The following ZNF568 variants were observed in gnomAD, a reference collection of about 807,000 sequenced individuals.
ZNF568 encodes zinc finger protein 568, also known as p53 inhibitor of SCO2 activation.
In ZNF568, 11 loss-of-function variants were observed where a neutral mutation model predicts 18.1. That is an observed-to-expected ratio of 0.61 (90% CI 0.38 to 1.00). ZNF568 has a LOEUF of 1.00. Ranked by LOEUF, ZNF568 falls within the 50% of genes least tolerant of loss-of-function variation. The probability of loss-of-function intolerance (pLI) is 0.01; values close to 1 mark genes in which losing one functional copy is unlikely to be tolerated. For synonymous variants in ZNF568, 213 were observed against 246.6 expected (o/e 0.86, Z 1.28); for missense variants, 639 against 768.2 (o/e 0.83, Z 1.99).
At chr19:36,937,487 C>G (rs554082287) in intron 6 of ZNF568, among the ~76,000 whole-genome samples, 2 of 152,212 alleles carry the variant, frequency 1.3e-5, no homozygotes, top group Non-Finnish European at 2.9e-5. Flanking sequence ...TACCAACCTT[C>G]CCTAATTCAT....
intron 4 of ZNF568, among the ~76,000 whole-genome samples, chr19:36,992,758 C>T (rs2074437329): frequency 6.6e-6 from 1 of 152,172 alleles, no homozygotes; most frequent in Non-Finnish European, 1.5e-5. Context: ...AATTGTAGAA[C>T]ATTTGTATCA....
At chr19:36,936,244 T>C (rs907629813) in intron 4 of ZNF568, among the ~76,000 whole-genome samples, 34 of 152,330 alleles carry the variant, frequency 2.2e-4, no homozygotes, top group Admixed American at 1.3e-4. Flanking sequence ...TCCCTTGTTT[T>C]GTACTATTAT....
intron 6 of ZNF568, chr19:36,973,902 C>G (rs2074259028): frequency 6.5e-6 from 1 of 153,330 alleles, no homozygotes; most frequent in Non-Finnish European, 1.5e-5. Flanking sequence ...CCAACTGAGA[C>G]TAGTCAGTAG....
intron 3 of ZNF568, among the ~76,000 whole-genome samples, 175 bp downstream of exon 3, chr19:36,923,021 T>G (rs959378799): frequency 7.9e-6 from 1 of 127,008 alleles, no homozygotes; most frequent in Non-Finnish European, 1.7e-5. Flanking sequence ...AAAATAAATT[T>G]TGAAATGCAA....
intron 6 of ZNF568, among the ~76,000 whole-genome samples, chr19:36,969,591 A>G (rs1159825015): frequency 6.6e-6 from 1 of 151,734 alleles, no homozygotes; most frequent in Non-Finnish European, 1.5e-5. Context: ...GGGAGAATCT[A>G]TTTCCTTGTC....
chr19:36,991,650 T>G (rs2146349490), intron 3 of ZNF568: 1 of 925,282 alleles, frequency 1.1e-6, no homozygotes. Context: ...TCACTCCTTC[T>G]TCTGACCCTT....
rs1555736279 is a variant in ZNF568, at chr19:36,962,277, G to GTTATTTTT, written c.359-12141_359-12140insATTTTTTT. ...TTTTCATGATGGTAAGTGTTGCAGT[G>GTTATTTTT]TTTTTTTTTTTTTTTTTTTTTTTGC... On this transcript the variant is annotated intron_variant, in intron 6 of 7. Transcript: ENST00000427117. 5.3e-4 allele frequency among the ~76,000 whole-genome samples: 24 copies of GTTATTTTT among 45,290 alleles called. 1 individual carries two copies. The East Asian group carries it at 5.4e-3, about 10-fold the overall frequency. 29.7% of individuals were successfully genotyped at this position (45,290 alleles called of 152,430 possible).
chr19:36,941,802 T>A (rs181718039), intron 6 of ZNF568, among the ~76,000 whole-genome samples: 1 of 152,288 alleles, frequency 6.6e-6, no homozygotes, highest in Admixed American at 6.5e-5. Flanking sequence ...TTTTTAGTTT[T>A]TTCAAAGTAT....
chr19:36,930,625 C>A (rs1212786516), intron 4 of ZNF568, among the ~76,000 whole-genome samples: 1 of 152,104 alleles, frequency 6.6e-6, no homozygotes, highest in Non-Finnish European at 1.5e-5. Flanking sequence ...TTGTAGTTTT[C>A]CCCTATCTTT....
At chr19:36,930,755 AAGG>A (rs2073673972) in intron 4 of ZNF568, among the ~76,000 whole-genome samples, 2 of 152,134 alleles carry the variant, frequency 1.3e-5, no homozygotes, top group South Asian at 2.1e-4. Flanking sequence ...TCAACCCTTT[AAGG>A]AGAATTCCAC....
At chr19:36,973,653 G>A (rs1437163377) in intron 6 of ZNF568, 3 of 153,110 alleles carry the variant, frequency 2.0e-5, no homozygotes, top group Non-Finnish European at 2.9e-5. Flanking sequence ...CCCGGACCTG[G>A]ATTGTGGGCC....
At chr19:36,965,593 T>G (rs1188619023) in intron 6 of ZNF568, among the ~76,000 whole-genome samples, 3 of 152,114 alleles carry the variant, frequency 2.0e-5, no homozygotes, top group African/African-American at 7.2e-5. Flanking sequence ...GGAATAGATT[T>G]TTTTTCTTGC....
chr19:36,925,244 A>G lies in ZNF568; in HGVS notation c.121A>G (p.Thr41Ala), dbSNP rs759529134. The change falls in exon 4 of 7, where the codon ACA (threonine) becomes GCA (alanine). Residue 41 changes from threonine (T) to alanine (A), a missense_variant. Coordinates refer to ENST00000333987, the MANE Select transcript of ZNF568 (RefSeq NM_198539.4). ...TGCCCTTTCCGAGGAAGAAGAGGATACAACCAGGCCTCTTGTACGTCTTAA... is the reference window on the plus strand; with the variant it reads ...TGCCCTTTCCGAGGAAGAAGAGGATGCAACCAGGCCTCTTGTACGTCTTAA... The part of the protein sequence containing the change: ...ESALSEEEED[T>A]TRPLETVTFK... 6.2e-7 allele frequency: 1 copy of G among 1,614,068 alleles called. No homozygotes were observed. Among genetic ancestry groups the G allele is most frequent in the African/African-American group, 1.3e-5 (1 of 75,056 alleles).
At chr19:36,935,959 A>T (rs1360003354) in intron 4 of ZNF568, among the ~76,000 whole-genome samples, 3 of 152,172 alleles carry the variant, frequency 2.0e-5, no homozygotes, top group Non-Finnish European at 4.4e-5. Flanking sequence ...TTCAGAGTTA[A>T]TGGTAACACT....
In ZNF568 at chr19:36,939,324, C is replaced by CA. The variant is rs1347700342; in HGVS notation, c.358+2089dup. ...CCTGCCACAATTTCAAGACATCTGG[C>CA]AAAAAAATGACTCATTCATTCTGCC... On this transcript the variant is annotated intron_variant, in intron 6 of 6. Transcript: ENST00000333987. Among the ~76,000 whole-genome samples, 16 of 152,022 alleles carry CA rather than the reference C, an allele frequency of 1.1e-4. No individual in the cohort carries two copies. In the East Asian group the frequency reaches 2.3e-3, roughly 22 times the overall value.
At chr19:36,939,089 C>T (rs2073836444) in intron 6 of ZNF568, among the ~76,000 whole-genome samples, 1 of 152,208 alleles carries the variant, frequency 6.6e-6, no homozygotes, top group African/African-American at 2.4e-5. Flanking sequence ...CCTCCTTTAT[C>T]ATACAAGGTT....
chr19:36,989,313 G>C (rs2074403512), intron 2 of ZNF568, among the ~76,000 whole-genome samples: 1 of 152,088 alleles, frequency 6.6e-6, no homozygotes, highest in Admixed American at 6.6e-5. Flanking sequence ...CCCCCTAGTA[G>C]CTGGGATTAC....
At chr19:36,930,765 C>T (rs1480742563) in intron 4 of ZNF568, among the ~76,000 whole-genome samples, 2 of 152,094 alleles carry the variant, frequency 1.3e-5, no homozygotes, top group Non-Finnish European at 2.9e-5. Flanking sequence ...AAGGAGAATT[C>T]CACTTTATAG....
At position 36,950,707 on chromosome 19, in the gene ZNF568, T is replaced by A. The variant is rs2074045450; in HGVS notation, c.1554T>A (p.Thr518=). The change falls in exon 7 of 7, where the codon ACT becomes ACA. Residue 518 remains threonine (T), a synonymous_variant. Coordinates refer to ENST00000333987, the MANE Select transcript of ZNF568 (RefSeq NM_198539.4). ...CCTTTAGTCAGAAATCAAACCTCAC[T>A]GAACATGAGAAAATTCATACTGGAG... ...GKAFSQKSNL[T]EHEKIHTGEK... 6.2e-7 allele frequency: 1 copy of A among 1,613,848 alleles called. No homozygotes were observed. Among genetic ancestry groups the A allele is most frequent in the South Asian group, 1.1e-5 (1 of 91,060 alleles).
Sources: gnomAD v4.1 joint callset for allele counts (sites outside exome capture counted in the v4.1 genomes callset) on GRCh38, gnomAD v4.1.1 for gene constraint, MANE v1.5 for transcripts, NCBI Gene and HGNC (gene_info 2026-07-23, HGNC 2026-07-21) for gene names.